Variants in PLXDC2 observed in about 807,000 individuals in gnomAD.
PLXDC2 encodes the protein plexin domain-containing protein 2.
In PLXDC2, 40 loss-of-function variants were observed where a neutral mutation model predicts 68.9. The observed-to-expected ratio is 0.58, with a 90% confidence interval of 0.45 to 0.76. PLXDC2 has a LOEUF of 0.76. Ranked by LOEUF, PLXDC2 falls within the 30% of genes least tolerant of loss-of-function variation. The pLI is 0.00. For missense variants in PLXDC2, 644 were observed against 661.9 expected (o/e 0.97, Z 0.30); for synonymous variants, 243 against 234.2 (o/e 1.04, Z -0.34).
At chr10:20,112,926 G>A (rs1191195308) in intron 4 of PLXDC2, among the ~76,000 whole-genome samples, 1 of 152,190 alleles carries the variant, frequency 6.6e-6, no homozygotes, top group African/African-American at 2.4e-5. Flanking sequence ...AAGTCAAAAT[G>A]AAATAAAATG....
intron 4 of PLXDC2, among the ~76,000 whole-genome samples, chr10:20,083,181 T>C (rs1261514184): frequency 6.6e-6 from 1 of 152,054 alleles, no homozygotes; most frequent in East Asian, 1.9e-4. Flanking sequence ...CTTTTCAAAT[T>C]ATTACTATGT....
intron 9 of PLXDC2, among the ~76,000 whole-genome samples, chr10:20,184,586 A>G (rs1189598037): frequency 6.6e-6 from 1 of 151,898 alleles, no homozygotes; most frequent in African/African-American, 2.4e-5. Context: ...AATTTTTGCA[A>G]ATAAACTGCA....
chr10:20,046,918 A>C lies in PLXDC2; in HGVS notation c.374A>C (p.Asp125Ala). 2 of 1,612,818 alleles carry C rather than the reference A, an allele frequency of 1.2e-6. No homozygotes were observed. Among genetic ancestry groups the C allele is most frequent in the Non-Finnish European group, 1.7e-6 (2 of 1,179,288 alleles). The change falls in exon 3 of 14, where the codon GAT becomes GCT. Residue 125 changes from aspartate to alanine, a missense_variant. Asp to Ala is a moderately radical substitution (Grantham distance 126). Around this residue, in one of 3 missense-constraint regions of PLXDC2, gnomAD observed 201 missense variants for 166.9 expected, o/e 1.20. Coordinates refer to ENST00000377252, the MANE Select transcript of PLXDC2 (RefSeq NM_032812.9). Reference sequence around the variant, plus strand: ...ATATCTCGAATATATGGTCCATCTGATTCTGCCAGCCGGGATTTATGGGTG... The same window carrying C: ...ATATCTCGAATATATGGTCCATCTGCTTCTGCCAGCCGGGATTTATGGGTG... ...YYISRIYGPS[D>A]SASRDLWVNI...
At chr10:19,912,016 T>C (rs1833280284) in intron 1 of PLXDC2, among the ~76,000 whole-genome samples, 1 of 152,252 alleles carries the variant, frequency 6.6e-6, no homozygotes, top group African/African-American at 2.4e-5. Flanking sequence ...CTTGGCTTAT[T>C]ACTTGTGCCA....
intron 1 of PLXDC2, among the ~76,000 whole-genome samples, chr10:19,927,024 G>T (rs761287985): frequency 6.6e-6 from 1 of 152,156 alleles, no homozygotes; most frequent in Admixed American, 6.5e-5. Flanking sequence ...CCTTCTTGCT[G>T]ACCTTATCCA....
intron 2 of PLXDC2, among the ~76,000 whole-genome samples, chr10:20,004,337 T>C (rs1045496602): frequency 2.6e-5 from 4 of 152,198 alleles, no homozygotes; most frequent in Non-Finnish European, 5.9e-5. Flanking sequence ...GGAGCAGAAG[T>C]CTTATGATAT....
intron 9 of PLXDC2, among the ~76,000 whole-genome samples, chr10:20,179,509 A>G (rs546007652): frequency 5.9e-5 from 9 of 151,976 alleles, no homozygotes; most frequent in African/African-American, 2.2e-4. Flanking sequence ...GAAAGTCCAG[A>G]AAAAAAACAA....
At chr10:20,007,589 A>T (rs1835047414) in intron 2 of PLXDC2, among the ~76,000 whole-genome samples, 1 of 152,248 alleles carries the variant, frequency 6.6e-6, no homozygotes, top group Non-Finnish European at 1.5e-5. Context: ...GGATCATATT[A>T]GTACAGTTTC....
chr10:20,185,909 A>T (rs1834676227), intron 9 of PLXDC2, among the ~76,000 whole-genome samples: 1 of 151,994 alleles, frequency 6.6e-6, no homozygotes, highest in South Asian at 2.1e-4. Flanking sequence ...AATTTCAGAT[A>T]GACATTTAGA....
At chr10:20,274,725 G>T (rs1279291073) in intron 13 of PLXDC2, among the ~76,000 whole-genome samples, 8 of 152,096 alleles carry the variant, frequency 5.3e-5, no homozygotes, top group Non-Finnish European at 1.2e-4. Context: ...TACATTTCAT[G>T]AAGCAAAGAG....
chr10:19,972,940 A>G (rs1441697163), intron 1 of PLXDC2, among the ~76,000 whole-genome samples: 1 of 152,134 alleles, frequency 6.6e-6, no homozygotes, highest in Non-Finnish European at 1.5e-5. Flanking sequence ...AAAAATATCT[A>G]AAATTGTATG....
intron 4 of PLXDC2, among the ~76,000 whole-genome samples, chr10:20,095,930 T>C (rs1833343198): frequency 6.6e-6 from 1 of 152,194 alleles, no homozygotes; most frequent in Non-Finnish European, 1.5e-5. Flanking sequence ...TAAATGCAAA[T>C]AAATATTTCT....
chr10:19,931,639 C>T (rs1833636119), intron 1 of PLXDC2, among the ~76,000 whole-genome samples: 1 of 152,130 alleles, frequency 6.6e-6, no homozygotes, highest in Admixed American at 6.5e-5. Flanking sequence ...GATATATTTT[C>T]AGGCCGCTAC....
At chr10:19,942,750 G>T (rs762137485) in intron 1 of PLXDC2, among the ~76,000 whole-genome samples, 5 of 152,122 alleles carry the variant, frequency 3.3e-5, no homozygotes, top group Non-Finnish European at 5.9e-5. Context: ...CTGAGTGATA[G>T]AGCAAGACCC....
chr10:20,241,255 A>G (rs937953225), intron 12 of PLXDC2, among the ~76,000 whole-genome samples: 4 of 152,202 alleles, frequency 2.6e-5, no homozygotes, highest in African/African-American at 9.7e-5. Context: ...CAAGGTGCAA[A>G]TCTGGTTATG....
At chr10:20,143,463 C>G in intron 5 of PLXDC2, 46 bp downstream of exon 5, 1 of 1,604,240 alleles carries the variant, frequency 6.2e-7, no homozygotes, top group Non-Finnish European at 8.5e-7. Context: ...TATTTTTAAA[C>G]CTCAAGCATC....
At chr10:20,108,970 A>G (rs1298040893) in intron 4 of PLXDC2, among the ~76,000 whole-genome samples, 3 of 152,192 alleles carry the variant, frequency 2.0e-5, no homozygotes, top group African/African-American at 7.2e-5. Flanking sequence ...AGATCAAATA[A>G]GAACTGAAAT....
At chr10:20,279,293 A>G (rs1836050157) in intron 13 of PLXDC2, among the ~76,000 whole-genome samples, 1 of 152,222 alleles carries the variant, frequency 6.6e-6, no homozygotes. Flanking sequence ...GAATTAATGA[A>G]CAAAATGAAG....
At chr10:19,826,705 A>G (rs1013718620) in intron 1 of PLXDC2, among the ~76,000 whole-genome samples, 3 of 152,228 alleles carry the variant, frequency 2.0e-5, no homozygotes, top group African/African-American at 7.2e-5. Context: ...ACTTTGATTC[A>G]TAACTTGGCT....
Sources: allele counts gnomAD v4.1 joint callset (sites outside exome capture counted in the v4.1 genomes callset), GRCh38; gene constraint gnomAD v4.1.1; regional missense constraint gnomAD v4.1.1; transcripts MANE v1.5; gene names NCBI Gene and HGNC (gene_info 2026-07-23, HGNC 2026-07-21).